CADPS2: variants seen among roughly 807,000 people sequenced by gnomAD.
CADPS2 encodes the protein calcium dependent secretion activator 2, also known as calcium-dependent secretion activator 2.
Under a neutral mutation model 172.5 loss-of-function variants are expected in CADPS2, and 93 were observed. The observed-to-expected ratio is 0.54, with a 90% CI of 0.46 to 0.64. CADPS2 has a LOEUF of 0.64. CADPS2 is among the 30% of genes least tolerant of loss of function. CADPS2 has a pLI of 0.00. For synonymous variants in CADPS2, 546 were observed against 555.2 expected (o/e 0.98, Z 0.23); for missense variants, 1,420 against 1,565.9 (o/e 0.91, Z 1.57).
At chr7:122,362,846 A>G (rs1198055254) in intron 25 of CADPS2, among the ~76,000 whole-genome samples, 1 of 152,214 alleles carries the variant, frequency 6.6e-6, no homozygotes, top group Non-Finnish European at 1.5e-5. Flanking sequence ...CTGATCAATT[A>G]CTACAAAATA....
At chr7:122,589,093 T>G (rs763970570) in intron 6 of CADPS2, among the ~76,000 whole-genome samples, 14 of 151,984 alleles carry the variant, frequency 9.2e-5, no homozygotes, top group Non-Finnish European at 1.8e-4. Flanking sequence ...CTGTATGTGT[T>G]GGTGTCTTTC....
intron 1 of CADPS2, among the ~76,000 whole-genome samples, chr7:122,800,349 T>G (rs1330904781): frequency 1.3e-5 from 2 of 152,136 alleles, no homozygotes; most frequent in African/African-American, 4.8e-5. Context: ...CCAAAATACA[T>G]TATTAGAGAG....
At chr7:122,501,833 C>G (rs1220902808) in intron 9 of CADPS2, among the ~76,000 whole-genome samples, 1 of 145,598 alleles carries the variant, frequency 6.9e-6, no homozygotes. Flanking sequence ...TGAGATCGCA[C>G]CACTGCACTC....
chr7:122,787,737 T>TA (rs1794380655), intron 1 of CADPS2, among the ~76,000 whole-genome samples: 1 of 152,190 alleles, frequency 6.6e-6, no homozygotes, highest in Non-Finnish European at 1.5e-5. Context: ...TCAAACGTAA[T>TA]AAAGTAACTG....
intron 2 of CADPS2, among the ~76,000 whole-genome samples, chr7:122,690,387 G>C (rs1376946056): frequency 1.3e-5 from 2 of 152,134 alleles, no homozygotes; most frequent in Non-Finnish European, 2.9e-5. Flanking sequence ...CCGGAGGAGG[G>C]TTCCTTCCCT....
At chr7:122,361,771 A>C (rs1424180664) in intron 25 of CADPS2, among the ~76,000 whole-genome samples, 1 of 152,004 alleles carries the variant, frequency 6.6e-6, no homozygotes, top group Non-Finnish European at 1.5e-5. Flanking sequence ...CAGGAGGTTG[A>C]ATATAAAAGA....
chr7:122,735,354 T>C (rs1239633038), intron 2 of CADPS2, among the ~76,000 whole-genome samples: 14 of 152,174 alleles, frequency 9.2e-5, no homozygotes, highest in Admixed American at 9.2e-4. Context: ...ACATATGGCA[T>C]GTTTCAAACC....
At chr7:122,753,793 G>A (rs1166661139) in intron 1 of CADPS2, among the ~76,000 whole-genome samples, 1 of 152,016 alleles carries the variant, frequency 6.6e-6, no homozygotes, top group Non-Finnish European at 1.5e-5. Context: ...ATGCTCTTGG[G>A]GACATACACA....
intron 25 of CADPS2, chr7:122,378,664 A>G (rs1303439567): frequency 6.6e-6 from 1 of 152,010 alleles, no homozygotes; most frequent in Admixed American, 6.6e-5. Flanking sequence ...AGCATGGGAT[A>G]TATCTGCTTA....
At chr7:122,607,792 G>A (rs1167205109) in intron 6 of CADPS2, among the ~76,000 whole-genome samples, 5 of 151,886 alleles carry the variant, frequency 3.3e-5, no homozygotes, top group South Asian at 2.1e-4. Flanking sequence ...CAACCCTATC[G>A]GTCTTAGAGA....
Position 122,490,296 on chromosome 7 carries a change from A to G in CADPS2, c.1652-15T>C, listed in dbSNP as rs2058169872. On this transcript the variant is annotated splice_polypyrimidine_tract_variant and intron_variant, in intron 10 of 29. Coordinates refer to ENST00000449022, the MANE Select transcript of CADPS2 (RefSeq NM_017954.11). ...ACCCTGAAGGCCTGTGGAGGAAACAAAAAGACATCATTAAAAATTTATAGG... is the reference window on the plus strand; with the variant it reads ...ACCCTGAAGGCCTGTGGAGGAAACAGAAAGACATCATTAAAAATTTATAGG... The G allele has an allele frequency of 6.2e-7, 1 of 1,607,994 alleles. No homozygotes were observed.
At chr7:122,883,234 A>G (rs1389178834) in intron 1 of CADPS2, among the ~76,000 whole-genome samples, 2 of 152,326 alleles carry the variant, frequency 1.3e-5, no homozygotes, top group East Asian at 3.9e-4. Flanking sequence ...ATAGAAACTC[A>G]CCAGCTCTAA....
chr7:122,457,024 G>A (rs967411241), intron 14 of CADPS2, among the ~76,000 whole-genome samples: 2 of 151,990 alleles, frequency 1.3e-5, no homozygotes, highest in Admixed American at 6.6e-5. Context: ...AATTGAAAAA[G>A]GTATTTTTAA....
At chr7:122,780,728 T>A (rs546401626) in intron 1 of CADPS2, among the ~76,000 whole-genome samples, 33 of 152,306 alleles carry the variant, frequency 2.2e-4, no homozygotes, top group African/African-American at 7.5e-4. Flanking sequence ...AGCTGGTCTC[T>A]AACTCCTGGG....
At chr7:122,671,593 A>C (rs1225545436) in intron 2 of CADPS2, among the ~76,000 whole-genome samples, 1 of 152,088 alleles carries the variant, frequency 6.6e-6, no homozygotes, top group Non-Finnish European at 1.5e-5. Context: ...ACTACTAAAA[A>C]TAATGTTGCA....
At chr7:122,732,805 T>TATATATA (rs1562885491) in intron 2 of CADPS2, among the ~76,000 whole-genome samples, 19 of 139,452 alleles carry the variant, frequency 1.4e-4, no homozygotes, top group African/African-American at 4.8e-4. Flanking sequence ...CATTATATAT[T>TATATATA]ATATACATAA....
At chr7:122,533,743 G>A (rs1003321088) in intron 8 of CADPS2, among the ~76,000 whole-genome samples, 6 of 152,100 alleles carry the variant, frequency 3.9e-5, no homozygotes, top group African/African-American at 1.2e-4. Flanking sequence ...ATAATTAAAC[G>A]ATTCTCAATA....
At chr7:122,728,996 C>G (rs2091380107) in intron 2 of CADPS2, among the ~76,000 whole-genome samples, 1 of 151,676 alleles carries the variant, frequency 6.6e-6, no homozygotes, top group East Asian at 1.9e-4. Flanking sequence ...TATCCATTAC[C>G]CAACCTCTCT....
Position 122,773,689 on chromosome 7 carries a change from C to T in CADPS2, c.340-36621G>A, listed in dbSNP as rs552565174. Among the ~76,000 whole-genome samples the T allele has an allele frequency of 1.2e-4, 18 of 152,210 alleles. No individual in the cohort carries two copies. In the South Asian group the frequency reaches 3.7e-3, roughly 32 times the overall value. On this transcript the variant is annotated intron_variant, in intron 1 of 29. Transcript: ENST00000449022. ...AGTGAACAAGTATTGCTTTTTCAGG[C>T]ATTGCTTTAATCACAGAAAAGGGTT...
Sources: gnomAD v4.1 joint callset for allele counts (sites outside exome capture counted in the v4.1 genomes callset) on GRCh38, gnomAD v4.1.1 for gene constraint, MANE v1.5 for transcripts, NCBI Gene and HGNC (gene_info 2026-07-23, HGNC 2026-07-21) for gene names.